SH3RF3: variants seen among roughly 807,000 people sequenced by gnomAD.
SH3RF3 encodes the protein SH3 domain containing ring finger 3.
Under a neutral mutation model 66.3 loss-of-function variants are expected in SH3RF3, and 29 were observed. That is an observed-to-expected ratio of 0.44 (90% confidence interval 0.33 to 0.60). The LOEUF (loss-of-function observed/expected upper bound fraction) is 0.60. SH3RF3 is among the 20% of genes least tolerant of loss of function. SH3RF3 has a pLI of 0.04. For synonymous variants in SH3RF3, 583 were observed against 532.0 expected, an observed-to-expected ratio of 1.10 and a Z score of -1.32; for missense variants, 1,194 against 1,190.9, an observed-to-expected ratio of 1.00 and a Z score of -0.04.
chr2:109,330,833 T>G (rs936208802), intron 1 of SH3RF3, among the ~76,000 whole-genome samples: 11 of 152,288 alleles, frequency 7.2e-5, no homozygotes, highest in African/African-American at 2.6e-4. Context: ...CTTCTCCCCC[T>G]GGGTTTCATC....
chr2:109,432,572 G>A lies in SH3RF3; in HGVS notation c.1475G>A (p.Arg492Gln), dbSNP rs754684248. The A allele has an allele frequency of 1.1e-5, 17 of 1,613,462 alleles. No homozygotes were observed. The highest frequency in any genetic ancestry group is 8.3e-5 in the Admixed American group (5 of 59,960). ...GAGCTGCACAAGGGAGAGATGTACC[G>A]GGTCCTCGAGAAGTGTCAGGATGGC... ...ELELHKGEMY[R>Q]VLEKCQDGWF... Residue 492 changes from arginine (R) to glutamine (Q), a missense_variant, in exon 6 of 10, where the codon CGG (arginine) becomes CAG (glutamine). Transcript: ENST00000309415.
chr2:109,248,799 C>T (rs1215570214), intron 1 of SH3RF3, among the ~76,000 whole-genome samples: 2 of 150,372 alleles, frequency 1.3e-5, no homozygotes, highest in Non-Finnish European at 3.0e-5. Flanking sequence ...CTCTTTCTGT[C>T]TCTCTTTCTC....
chr2:109,241,604 C>T lies in SH3RF3; in HGVS notation c.574-106070C>T, dbSNP rs554420370. Among the ~76,000 whole-genome samples the T allele has an allele frequency of 3.9e-5, 6 of 152,194 alleles. No individual in the cohort carries two copies. In the South Asian group the frequency reaches 6.2e-4, roughly 16 times the overall value. ...TCAGGCATTGAGGTTTGGCTTGGTT[C>T]GGTCAGCTCTGCTGGGAGGGCCCCT... On this transcript the variant is annotated intron_variant, in intron 1 of 9. Coordinates refer to ENST00000309415, the MANE Select transcript of SH3RF3 (RefSeq NM_001099289.3).
chr2:109,183,603 A>T (rs542657109), intron 1 of SH3RF3, among the ~76,000 whole-genome samples: 18 of 3,238 alleles, frequency 5.6e-3, no homozygotes, highest in African/African-American at 0.043. Flanking sequence ...TTTTTGAGAT[A>T]AAAAAAATGA....
intron 1 of SH3RF3, among the ~76,000 whole-genome samples, chr2:109,324,330 G>A (rs549647483): frequency 7.9e-5 from 12 of 152,190 alleles, no homozygotes; most frequent in African/African-American, 2.4e-4. Context: ...GTACTGGGTC[G>A]CATGGTAACT....
intron 3 of SH3RF3, among the ~76,000 whole-genome samples, chr2:109,372,428 T>C (rs1683293459): frequency 6.6e-6 from 1 of 152,224 alleles, no homozygotes; most frequent in Non-Finnish European, 1.5e-5. Flanking sequence ...GACCACATGC[T>C]TTCATGCTGT....
intron 1 of SH3RF3, among the ~76,000 whole-genome samples, chr2:109,347,364 G>A (rs1682733909): frequency 6.6e-6 from 1 of 152,132 alleles, no homozygotes; most frequent in Non-Finnish European, 1.5e-5. Context: ...ATCTGTAAAT[G>A]AAGACAAGCC....
At chr2:109,178,468 GA>G (rs1677982217) in intron 1 of SH3RF3, among the ~76,000 whole-genome samples, 1 of 152,148 alleles carries the variant, frequency 6.6e-6, no homozygotes, top group Admixed American at 6.5e-5. Context: ...GTCCTCCAGA[GA>G]TATTATACTT....
chr2:109,499,491 G>A (rs552207534), intron 9 of SH3RF3, among the ~76,000 whole-genome samples: 4 of 152,196 alleles, frequency 2.6e-5, no homozygotes, highest in Admixed American at 6.5e-5. Flanking sequence ...ACCCACAAAA[G>A]GGCTGGGGGT....
intron 4 of SH3RF3, among the ~76,000 whole-genome samples, chr2:109,412,658 C>G (rs995022134): frequency 6.6e-6 from 1 of 152,220 alleles, no homozygotes; most frequent in Non-Finnish European, 1.5e-5. Flanking sequence ...GAGAAAGATA[C>G]GGGCTTACCG....
At chr2:109,446,473 T>G (rs1200066202) in intron 7 of SH3RF3, among the ~76,000 whole-genome samples, 1 of 152,088 alleles carries the variant, frequency 6.6e-6, no homozygotes, top group Non-Finnish European at 1.5e-5. Context: ...GCTAAGAGCC[T>G]TGGGAGCAAA....
intron 1 of SH3RF3, among the ~76,000 whole-genome samples, chr2:109,277,530 C>T (rs1392656817): frequency 6.6e-6 from 1 of 152,196 alleles, no homozygotes; most frequent in Non-Finnish European, 1.5e-5. Flanking sequence ...TACCAAGTGA[C>T]AGGCGCTGGT....
intron 5 of SH3RF3, among the ~76,000 whole-genome samples, chr2:109,428,128 A>G (rs939890208): frequency 3.3e-5 from 5 of 152,214 alleles, no homozygotes; most frequent in Non-Finnish European, 7.3e-5. Flanking sequence ...GTGAGGAGGA[A>G]GCACACGCCT....
At chr2:109,373,180 T>G (rs1683311683) in intron 3 of SH3RF3, among the ~76,000 whole-genome samples, 1 of 152,250 alleles carries the variant, frequency 6.6e-6, no homozygotes. Context: ...CAAGTTTCCA[T>G]GTATTTGCAC....
At chr2:109,230,760 G>T (rs1329537671) in intron 1 of SH3RF3, among the ~76,000 whole-genome samples, 2 of 152,140 alleles carry the variant, frequency 1.3e-5, no homozygotes, top group Non-Finnish European at 2.9e-5. Context: ...CTTAAAATGG[G>T]TTTGTCTGGA....
intron 1 of SH3RF3, among the ~76,000 whole-genome samples, chr2:109,270,005 T>C (rs952004283): frequency 2.6e-5 from 4 of 152,198 alleles, no homozygotes; most frequent in Admixed American, 6.5e-5. Flanking sequence ...GAGAATGTGA[T>C]GAAATACTTA....
chr2:109,194,076 G>C (rs910568155), intron 1 of SH3RF3, among the ~76,000 whole-genome samples: 1 of 152,198 alleles, frequency 6.6e-6, no homozygotes, highest in African/African-American at 2.4e-5. Context: ...CTCCAGGTCA[G>C]GATATTCTGA....
chr2:109,202,223 T>G (rs1678692312), intron 1 of SH3RF3, among the ~76,000 whole-genome samples: 1 of 152,166 alleles, frequency 6.6e-6, no homozygotes, highest in Non-Finnish European at 1.5e-5. Context: ...ACCTGTGGAC[T>G]GCAGAGTGAG....
At chr2:109,330,360 T>C (rs1682255930) in intron 1 of SH3RF3, among the ~76,000 whole-genome samples, 1 of 152,260 alleles carries the variant, frequency 6.6e-6, no homozygotes, top group Admixed American at 6.5e-5. Context: ...CTTCCTTCTT[T>C]TTTTTTTCTT....
Sources: gnomAD v4.1 joint callset for allele counts (sites outside exome capture counted in the v4.1 genomes callset) on GRCh38, gnomAD v4.1.1 for gene constraint, MANE v1.5 for transcripts, NCBI Gene and HGNC (gene_info 2026-07-23, HGNC 2026-07-21) for gene names.